Variants in UBAP2 observed in about 807,000 individuals in gnomAD.
UBAP2 encodes ubiquitin-associated protein 2.
A neutral mutation model predicts 139.6 loss-of-function variants in UBAP2; 75 were observed. The observed-to-expected ratio is 0.54, with a 90% CI of 0.45 to 0.65. The LOEUF is 0.65. Ranked by LOEUF, UBAP2 falls within the 30% of genes least tolerant of loss-of-function variation. The pLI is 0.00. For synonymous variants in UBAP2, 526 were observed against 526.2 expected, an observed-to-expected ratio of 1.00 and a Z score of 0.01; for missense variants, 1,368 against 1,369.6, an observed-to-expected ratio of 1.00 and a Z score of 0.02.
In UBAP2 at chr9:33,944,436, A is replaced by G; in HGVS notation, c.1474T>C (p.Ser492Pro). 6.2e-7 allele frequency: 1 copy of G among 1,614,126 alleles called. No individual in the cohort carries two copies. The highest frequency in any genetic ancestry group is 8.5e-7 in the Non-Finnish European group (1 of 1,180,022). Residue 492 changes from serine to proline, a missense_variant, in exon 14 of 29, where the codon TCT becomes CCT. Transcript: ENST00000379238. ...QLPSTTIENISVSVHQPQPKH... is the reference protein window; with the variant it reads ...QLPSTTIENIPVSVHQPQPKH... ...GGCTGTGGCTGGTGGACAGACACAG[A>G]GATATTTTCAATGGTCGTGCTGGGA...
intron 12 of UBAP2, chr9:33,949,007 A>G (rs1253012017): frequency 1.3e-5 from 2 of 159,832 alleles, no homozygotes; most frequent in African/African-American, 4.8e-5. Context: ...TCTACTAAAA[A>G]TACAAAAAAA....
chr9:34,035,236 C>T (rs1316454269), intron 1 of UBAP2, among the ~76,000 whole-genome samples: 1 of 151,850 alleles, frequency 6.6e-6, no homozygotes, highest in Non-Finnish European at 1.5e-5. Context: ...GGCGCGGTGG[C>T]TCACGCCTGT....
At chr9:34,021,289 T>C (rs1824919172) in intron 1 of UBAP2, among the ~76,000 whole-genome samples, 1 of 152,186 alleles carries the variant, frequency 6.6e-6, no homozygotes, top group Non-Finnish European at 1.5e-5. Flanking sequence ...AGACATATTA[T>C]TGTACTGCCT....
At chr9:33,942,991 G>A (rs1047108773) in intron 15 of UBAP2, among the ~76,000 whole-genome samples, 2 of 152,148 alleles carry the variant, frequency 1.3e-5, no homozygotes, top group Admixed American at 6.5e-5. Context: ...GAAACCAAAT[G>A]TCCATAGCAG....
At chr9:33,947,183 G>A (rs1225501515) in intron 13 of UBAP2, among the ~76,000 whole-genome samples, 1 of 152,108 alleles carries the variant, frequency 6.6e-6, no homozygotes, top group South Asian at 2.1e-4. Context: ...GGTAGACATC[G>A]CTTCAAACCC....
At position 33,924,252 on chromosome 9, in the gene UBAP2, T is replaced by C; in HGVS notation, c.2544A>G (p.Thr848=). ...GGCTCCCATCTCGGCTGGCAAGCGCTGTGGGTGCAGCAAAGGGAATTCCAT... is the reference window on the plus strand; with the variant it reads ...GGCTCCCATCTCGGCTGGCAAGCGCCGTGGGTGCAGCAAAGGGAATTCCAT... The part of the protein sequence containing the change: ...DYYGIPFAAP[T]ALASRDGSLA... The change falls in exon 23 of 29, where the codon ACA becomes ACG. Residue 848 remains threonine, a synonymous_variant. Coordinates refer to ENST00000379238, the MANE Select transcript of UBAP2 (RefSeq NM_001370062.2). The C allele has an allele frequency of 1.2e-6, 2 of 1,614,186 alleles. No individual in the cohort carries two copies. The highest frequency in any genetic ancestry group is 1.3e-5 in the African/African-American group (1 of 75,052).
Position 33,973,126 on chromosome 9 carries a change from T to C in UBAP2, c.575+57A>G. On this transcript the variant is annotated intron_variant, in intron 7 of 28. Transcript: ENST00000379238. Reference sequence around the variant, plus strand: ...TTAGATGTAGGGTATTAGAAGCAACTGCAGAATAAAAACTAGGGAAGTAAA... The same window carrying C: ...TTAGATGTAGGGTATTAGAAGCAACCGCAGAATAAAAACTAGGGAAGTAAA... The C allele has an allele frequency of 2.0e-6, 3 of 1,522,556 alleles. No individual in the cohort carries two copies. The South Asian group carries it at 3.4e-5, about 17-fold the overall frequency. 94.3% of individuals were successfully genotyped at this position (1,522,556 alleles called of 1,614,324 possible).
intron 6 of UBAP2, among the ~76,000 whole-genome samples, chr9:33,974,638 G>A (rs1156860633): frequency 6.6e-6 from 1 of 151,114 alleles, no homozygotes; most frequent in Non-Finnish European, 1.5e-5. Context: ...CCTAAAACTC[G>A]ACAACAAAAT....
chr9:33,995,507 ATAT>A (rs1397888363), intron 4 of UBAP2: 8 of 132,236 alleles, frequency 6.0e-5, no homozygotes, highest in African/African-American at 1.4e-4. Flanking sequence ...ATATATATTT[ATAT>A]TATTAAATAT....
At chr9:33,935,553 C>CA (rs568176814) in intron 17 of UBAP2, 105 of 424,810 alleles carry the variant, frequency 2.5e-4, no homozygotes, top group Admixed American at 6.2e-4. Flanking sequence ...GGGCATCAGC[C>CA]ACCCCGCCTG....
intron 1 of UBAP2, among the ~76,000 whole-genome samples, chr9:34,039,009 G>GCC (rs1826758612): frequency 6.9e-6 from 1 of 145,760 alleles, no homozygotes; most frequent in African/African-American, 2.6e-5. Flanking sequence ...CTGCCCGGCC[G>GCC]ACCCGTCTGA....
In UBAP2 at chr9:34,010,454, A is replaced by G. The variant is rs563685173; in HGVS notation, c.99+6596T>C. ...AAAAAAAAAAAAAAAAAAAAAGACAATAAACAAATAATACACCCTAGTCAA... is the reference window on the plus strand; with the variant it reads ...AAAAAAAAAAAAAAAAAAAAAGACAGTAAACAAATAATACACCCTAGTCAA... On this transcript the variant is annotated intron_variant, in intron 2 of 28. Coordinates refer to ENST00000379238, the MANE Select transcript of UBAP2 (RefSeq NM_001370062.2). Among the ~76,000 whole-genome samples, 15 of 151,438 alleles carry G rather than the reference A, an allele frequency of 9.9e-5. No individual in the cohort carries two copies. In the South Asian group the frequency reaches 2.9e-3, roughly 29 times the overall value.
intron 6 of UBAP2, among the ~76,000 whole-genome samples, chr9:33,982,560 A>C (rs1337858936): frequency 6.6e-6 from 1 of 152,218 alleles, no homozygotes; most frequent in African/African-American, 2.4e-5. Flanking sequence ...GATTGTTTGC[A>C]TTCTGTTCCT....
At chr9:33,936,502 C>A (rs1473700787) in intron 16 of UBAP2, among the ~76,000 whole-genome samples, 1 of 152,052 alleles carries the variant, frequency 6.6e-6, no homozygotes, top group African/African-American at 2.4e-5. Context: ...CCATGTTGGC[C>A]AGGCTGGTCT....
At position 34,014,773 on chromosome 9, in the gene UBAP2, C is replaced by CAAA. The variant is rs11465085; in HGVS notation, c.99+2274_99+2276dup. 9.5e-5 allele frequency among the ~76,000 whole-genome samples: 12 copies of CAAA among 126,162 alleles called. 1 individual carries two copies. Among genetic ancestry groups the CAAA allele is most frequent in the African/African-American group, 1.2e-4 (4 of 32,956 alleles). The allele number at this position is 126,162 out of a possible 152,430, so 82.8% of individuals were successfully genotyped here. A position where few individuals can be genotyped will look rare whatever the true frequency, so the allele number is the denominator to read the frequency against. ...CTGGCCACTGCGACAGACTCCGTCTCAAAAAAAAAAAAAAAAAGACCATTC... is the reference window on the plus strand; with the variant it reads ...CTGGCCACTGCGACAGACTCCGTCTCAAAAAAAAAAAAAAAAAAAAGACCATTC... On this transcript the variant is annotated intron_variant, in intron 2 of 28. Transcript: ENST00000379238.
In UBAP2 at chr9:33,995,129, G is replaced by T. The variant is rs1240669285; in HGVS notation, c.288+1094C>A. 2.0e-5 allele frequency: 3 copies of T among 151,952 alleles called. No homozygotes were observed. The East Asian group carries it at 5.8e-4, about 29-fold the overall frequency. The allele number at this position is 151,952 out of a possible 1,614,324, so 9.4% of individuals were successfully genotyped here. ...CCCAACACTTTGGGAGGCCAAGACG[G>T]GTGGATCACCTGAGGTCAGGAGTTT... On this transcript the variant is annotated intron_variant, in intron 4 of 28. Transcript: ENST00000379238.
At chr9:33,966,067 G>A (rs971174214) in intron 8 of UBAP2, among the ~76,000 whole-genome samples, 1 of 151,720 alleles carries the variant, frequency 6.6e-6, no homozygotes, top group Non-Finnish European at 1.5e-5. Flanking sequence ...TAAAAAATCA[G>A]GGAGTGTGGG....
intron 12 of UBAP2, 189 bp from the exon 13 acceptor site, chr9:33,948,776 A>G (rs1825853817): frequency 1.9e-6 from 1 of 513,202 alleles, no homozygotes; most frequent in Non-Finnish European, 3.4e-6. Flanking sequence ...AAATAAATGC[A>G]GCTATCCTTC....
At chr9:34,044,963 AAT>A (rs1344287851) in intron 1 of UBAP2, among the ~76,000 whole-genome samples, 8 of 151,058 alleles carry the variant, frequency 5.3e-5, no homozygotes, top group Non-Finnish European at 7.4e-5. Context: ...TTCAAATCCA[AAT>A]AGTTAACTGG....
Sources: gnomAD v4.1 joint callset for allele counts (sites outside exome capture counted in the v4.1 genomes callset) on GRCh38, gnomAD v4.1.1 for gene constraint, MANE v1.5 for transcripts, NCBI Gene and HGNC (gene_info 2026-07-23, HGNC 2026-07-21) for gene names.